The following GRIK4 variants were observed in gnomAD, a reference collection of about 807,000 sequenced individuals.
GRIK4 encodes glutamate receptor ionotropic, kainate 4.
In GRIK4, 40 loss-of-function variants were observed where a neutral mutation model predicts 104.9. The ratio of observed to expected loss-of-function variants is 0.38; its 90% CI spans 0.30 to 0.50. GRIK4 has a LOEUF of 0.50. Among genes scored for constraint, GRIK4 ranks in the 20% least tolerant of loss-of-function variants. GRIK4 has a pLI of 0.93. For synonymous variants in GRIK4, 485 were observed against 524.9 expected, an observed-to-expected ratio of 0.92 and a Z score of 1.04; for missense variants, 1,047 against 1,308.1, an observed-to-expected ratio of 0.80 and a Z score of 3.08.
chr11:120,727,654 TGAG>T (rs1457107178), intron 3 of GRIK4, among the ~76,000 whole-genome samples: 25 of 152,120 alleles, frequency 1.6e-4, no homozygotes. Context: ...TGTTTCACGA[TGAG>T]CTCAAAAGCA....
chr11:120,682,129 CA>C (rs1237466579), intron 3 of GRIK4, among the ~76,000 whole-genome samples: 1 of 152,178 alleles, frequency 6.6e-6, no homozygotes, highest in East Asian at 1.9e-4. Flanking sequence ...GAGACAGTGA[CA>C]GGGGCAGTGA....
At chr11:120,685,690 C>T (rs1950264552) in intron 3 of GRIK4, among the ~76,000 whole-genome samples, 1 of 152,084 alleles carries the variant, frequency 6.6e-6, no homozygotes. Context: ...TCTTGGTCTT[C>T]CTCATCTCAT....
At chr11:120,713,361 G>A (rs1440314850) in intron 3 of GRIK4, among the ~76,000 whole-genome samples, 2 of 152,152 alleles carry the variant, frequency 1.3e-5, no homozygotes, top group African/African-American at 4.8e-5. Context: ...ATGCTCTGTG[G>A]GTTGTCATTC....
At chr11:120,923,036 C>T (rs1331349119) in intron 13 of GRIK4, among the ~76,000 whole-genome samples, 2 of 152,208 alleles carry the variant, frequency 1.3e-5, no homozygotes, top group Non-Finnish European at 2.9e-5. Context: ...CACGGACCTG[C>T]CGTGTCCTAG....
At chr11:120,717,052 G>GT (rs1003035065) in intron 3 of GRIK4, among the ~76,000 whole-genome samples, 1 of 152,216 alleles carries the variant, frequency 6.6e-6, no homozygotes, top group Non-Finnish European at 1.5e-5. Flanking sequence ...AAAGGATGCT[G>GT]CGGCGGTGGC....
At chr11:120,825,218 G>A (rs531307446) in intron 6 of GRIK4, among the ~76,000 whole-genome samples, 18 of 152,248 alleles carry the variant, frequency 1.2e-4, no homozygotes, top group South Asian at 2.1e-4. Flanking sequence ...GAACCACCGC[G>A]CCTGGCCTCT....
chr11:120,772,640 T>TGC (rs146201957), intron 3 of GRIK4, among the ~76,000 whole-genome samples: 1 of 151,878 alleles, frequency 6.6e-6, no homozygotes, highest in East Asian at 1.9e-4. Flanking sequence ...GTGGTGTATG[T>TGC]GCGCGCGTGT....
In GRIK4 at chr11:120,555,975, G is replaced by T. The variant is rs1172135173; in HGVS notation, c.-159+44088G>T. Among the ~76,000 whole-genome samples, 1 of 152,176 alleles carries T rather than the reference G, an allele frequency of 6.6e-6. No individual in the cohort carries two copies. The highest frequency in any genetic ancestry group is 1.5e-5 in the Non-Finnish European group (1 of 68,034). On this transcript the variant is annotated intron_variant, in intron 1 of 20. Coordinates refer to ENST00000527524, the MANE Select transcript of GRIK4 (RefSeq NM_014619.5). This position sits in a 1 kb window ranked among gnomAD's most constrained non-coding sequence, Gnocchi z 5.3. Reference sequence around the variant, plus strand: ...TAATGGTTTACTTACATGTTAGACTGTCGGCTACTTGAAACCAGTTCTTCT... The same window carrying T: ...TAATGGTTTACTTACATGTTAGACTTTCGGCTACTTGAAACCAGTTCTTCT...
intron 3 of GRIK4, among the ~76,000 whole-genome samples, chr11:120,741,083 G>C (rs1073388): frequency 0.76 from 115,305 of 151,782 alleles, 44,090 homozygotes; most frequent in Middle Eastern, 0.85. Context: ...TGTCTCTCTC[G>C]TTCGTGTAAT....
intron 1 of GRIK4, among the ~76,000 whole-genome samples, chr11:120,542,701 T>C (rs1948049406): frequency 6.6e-6 from 1 of 152,188 alleles, no homozygotes; most frequent in South Asian, 2.1e-4. Context: ...GAAGAGATGC[T>C]CAACATTGCT....
At chr11:120,519,104 G>A (rs1257199903) in intron 1 of GRIK4, among the ~76,000 whole-genome samples, 3 of 152,200 alleles carry the variant, frequency 2.0e-5, no homozygotes, top group Non-Finnish European at 4.4e-5. Context: ...CACGGATAGG[G>A]CCTTGTGCTT....
intron 3 of GRIK4, among the ~76,000 whole-genome samples, chr11:120,757,028 T>G (rs1359610449): frequency 1.3e-5 from 2 of 152,224 alleles, no homozygotes; most frequent in Non-Finnish European, 2.9e-5. Flanking sequence ...CTCATCAGTT[T>G]GATGGCCCGT....
At chr11:120,612,205 C>T (rs535163475) in intron 1 of GRIK4, among the ~76,000 whole-genome samples, 19 of 152,208 alleles carry the variant, frequency 1.2e-4, no homozygotes, top group South Asian at 8.3e-4. Context: ...ACAACTCGTC[C>T]GCCCGTGAAC....
At chr11:120,757,346 C>A (rs906915397) in intron 3 of GRIK4, among the ~76,000 whole-genome samples, 9 of 152,238 alleles carry the variant, frequency 5.9e-5, no homozygotes, top group African/African-American at 2.2e-4. Context: ...TCAGCTCTGT[C>A]TCTCTCTGGC....
rs1489862828 is a variant in GRIK4, at chr11:120,878,269, G to A, written c.1164+3026G>A. Among the ~76,000 whole-genome samples the A allele has an allele frequency of 2.6e-5, 4 of 152,154 alleles. No homozygotes were observed. The East Asian group carries it at 7.7e-4, about 29-fold the overall frequency. The stretch of plus-strand genomic sequence containing the variant: ...CTTCATAAAAGTTGGACATTCCCAG[G>A]CCTCACAGCTATGAATTCCAGTTTA... On this transcript the variant is annotated intron_variant, in intron 11 of 20. Coordinates refer to ENST00000527524, the MANE Select transcript of GRIK4 (RefSeq NM_014619.5).
intron 9 of GRIK4, among the ~76,000 whole-genome samples, chr11:120,864,475 C>T (rs145836935): frequency 5.9e-5 from 9 of 152,188 alleles, no homozygotes; most frequent in South Asian, 2.1e-4. Flanking sequence ...CTCCTGACTT[C>T]GTGATCCGCC....
intron 3 of GRIK4, among the ~76,000 whole-genome samples, chr11:120,690,093 G>A (rs1310551148): frequency 6.6e-6 from 1 of 152,174 alleles, no homozygotes; most frequent in African/African-American, 2.4e-5. Flanking sequence ...GTGATTTATG[G>A]TTGGGTAGGA....
intron 1 of GRIK4, among the ~76,000 whole-genome samples, chr11:120,581,006 C>A (rs896769983): frequency 1.3e-5 from 2 of 152,168 alleles, no homozygotes; most frequent in Admixed American, 6.5e-5. Flanking sequence ...TTTTAATTTG[C>A]ATTTCCCTAG....
chr11:120,800,061 T>C (rs1451666474), intron 3 of GRIK4, among the ~76,000 whole-genome samples: 1 of 151,442 alleles, frequency 6.6e-6, no homozygotes, highest in Non-Finnish European at 1.5e-5. Context: ...TCCATATTGG[T>C]CAGGTTGGTC....
Sources: gnomAD v4.1 joint callset for allele counts (sites outside exome capture counted in the v4.1 genomes callset) on GRCh38, gnomAD v4.1.1 for gene constraint, Gnocchi (gnomAD v3.1) non-coding constraint, MANE v1.5 for transcripts, NCBI Gene and HGNC (gene_info 2026-07-23, HGNC 2026-07-21) for gene names.